The following LRRC8D variants were observed in gnomAD, a reference collection of about 807,000 sequenced individuals.
LRRC8D encodes leucine rich repeat containing 8 VRAC subunit D, also known as volume-regulated anion channel subunit LRRC8D.
A neutral mutation model predicts 55.8 loss-of-function variants in LRRC8D; 20 were observed. The observed-to-expected ratio is 0.36, with a 90% CI of 0.25 to 0.52. The LOEUF (loss-of-function observed/expected upper bound fraction) is 0.52, where lower values mean the gene tolerates loss of function less well. LRRC8D is among the 20% of genes least tolerant of loss of function. LRRC8D has a pLI of 0.93. For missense variants in LRRC8D, 651 were observed against 1,030.8 expected (o/e 0.63, Z 5.05); for synonymous variants, 352 against 377.0 (o/e 0.93, Z 0.77).
At chr1:89,864,818 C>T (rs1389828922) in intron 2 of LRRC8D, among the ~76,000 whole-genome samples, 1 of 152,142 alleles carries the variant, frequency 6.6e-6, no homozygotes, top group East Asian at 1.9e-4. Context: ...CACCATCTTC[C>T]AGACACAAAA....
intron 2 of LRRC8D, among the ~76,000 whole-genome samples, chr1:89,917,602 T>A (rs1663307790): frequency 6.6e-6 from 1 of 152,096 alleles, no homozygotes; most frequent in African/African-American, 2.4e-5. Flanking sequence ...CTATACTCTT[T>A]CTTCACACCT....
At chr1:89,910,749 C>T (rs906122504) in intron 2 of LRRC8D, among the ~76,000 whole-genome samples, 2 of 152,132 alleles carry the variant, frequency 1.3e-5, no homozygotes, top group African/African-American at 4.8e-5. Context: ...AGTAATACCA[C>T]TGCTCAGGAT....
At chr1:89,823,817 G>A (rs1660699686) in intron 1 of LRRC8D, among the ~76,000 whole-genome samples, 1 of 152,156 alleles carries the variant, frequency 6.6e-6, no homozygotes, top group Non-Finnish European at 1.5e-5. Context: ...AAGAATCCAG[G>A]GTGTGTGGAA....
At position 89,933,648 on chromosome 1, in the gene LRRC8D, G is replaced by A; in HGVS notation, c.580G>A (p.Glu194Lys). 6.2e-7 allele frequency: 1 copy of A among 1,614,098 alleles called. No individual in the cohort carries two copies. Among genetic ancestry groups the A allele is most frequent in the Non-Finnish European group, 8.5e-7 (1 of 1,180,024 alleles). The change falls in exon 3 of 3, where the codon GAA (glutamate) becomes AAA (lysine). Residue 194 changes from glutamate (E) to lysine (K), a missense_variant. Physicochemically the swap from Glu to Lys is moderately conservative, Grantham distance 56 (BLOSUM62 1). Around this residue, in one of 5 missense-constraint regions of LRRC8D, gnomAD observed 178 missense variants for 374.9 expected, o/e 0.47. Transcript: ENST00000337338. The surrounding 1 kb of genome is among the most constrained non-coding windows in gnomAD (Gnocchi z 7.0). ...FKYPKTCSKV[E>K]HFVSILGKCF... is the part of the protein sequence containing the mutation. ...ATATCCCAAAACATGCTCAAAAGTA[G>A]AACATTTTGTTTCAATATTAGGAAA...
rs1663401158 is a variant in LRRC8D at position 89,920,956 on chromosome 1, G to GT, written c.-2-12110dup. On this transcript the variant is annotated intron_variant, in intron 2 of 2. Coordinates refer to ENST00000337338, the MANE Select transcript of LRRC8D (RefSeq NM_001134479.2). ...TGAAAGATTTGAGAATTTGATCCTC[G>GT]TAAGTCTCTTGCATGTTCTCCATTT... Among the ~76,000 whole-genome samples the GT allele has an allele frequency of 2.0e-5, 3 of 152,114 alleles. No individual in the cohort carries two copies. In the South Asian group the frequency reaches 6.2e-4, roughly 32 times the overall value.
intron 2 of LRRC8D, among the ~76,000 whole-genome samples, chr1:89,912,585 C>G (rs1308810323): frequency 6.6e-6 from 1 of 152,080 alleles, no homozygotes; most frequent in East Asian, 1.9e-4. Flanking sequence ...TGTTTTATTC[C>G]AGTAGCTTGA....
At chr1:89,890,885 T>G (rs936055010) in intron 2 of LRRC8D, among the ~76,000 whole-genome samples, 6 of 152,154 alleles carry the variant, frequency 3.9e-5, no homozygotes. Flanking sequence ...TCTTTTTTTG[T>G]TTTTTATTTT....
chr1:89,917,920 T>C (rs1046418212), intron 2 of LRRC8D, among the ~76,000 whole-genome samples: 1 of 152,116 alleles, frequency 6.6e-6, no homozygotes, highest in Non-Finnish European at 1.5e-5. Context: ...TCAATTTATA[T>C]ACACAACTCG....
At chr1:89,903,519 A>C (rs1210606128) in intron 2 of LRRC8D, among the ~76,000 whole-genome samples, 6 of 152,204 alleles carry the variant, frequency 3.9e-5, no homozygotes, top group Non-Finnish European at 8.8e-5. Context: ...CACTCAGGTG[A>C]CACTGTTCTC....
At chr1:89,929,739 G>C (rs1663652786) in intron 2 of LRRC8D, 1 of 152,196 alleles carries the variant, frequency 6.6e-6, no homozygotes, top group South Asian at 2.1e-4. Flanking sequence ...ATGCATGTAT[G>C]TATGTATTCA....
intron 2 of LRRC8D, among the ~76,000 whole-genome samples, chr1:89,918,604 T>A (rs1166682611): frequency 6.6e-6 from 1 of 152,254 alleles, no homozygotes; most frequent in East Asian, 1.9e-4. Context: ...GAGATGATAC[T>A]GGCTTATCAC....
chr1:89,921,824 G>A lies in LRRC8D; in HGVS notation c.-2-11243G>A, dbSNP rs538035775. Among the ~76,000 whole-genome samples, 6 of 151,696 alleles carry A rather than the reference G, an allele frequency of 4.0e-5. No homozygotes were observed. The South Asian group carries it at 6.3e-4, about 16-fold the overall frequency. ...CTCCCAAAGTGCTGGGATTACAAGC[G>A]TGAGCCACTGCACCCGGCCAACTTT... On this transcript the variant is annotated intron_variant, in intron 2 of 2. Transcript: ENST00000337338.
chr1:89,843,724 T>TCGCCCAAG lies in LRRC8D; in HGVS notation c.-59_-52dup. ...TCGCCGTGGTTCCAGCCTCCGGAGC[T>TCGCCCAAG]CGCCCAAGCCGCGTCCCCAGAGAGC... On this transcript the variant is annotated 5_prime_UTR_variant, in exon 2 of 3. Coordinates refer to ENST00000337338, the MANE Select transcript of LRRC8D (RefSeq NM_001134479.2). The TCGCCCAAG allele has an allele frequency of 1.4e-6, 1 of 701,606 alleles. No individual in the cohort carries two copies. The highest frequency in any genetic ancestry group is 2.0e-5 in the Admixed American group (1 of 49,956). The allele number at this position is 701,606 out of a possible 1,614,324, so 43.5% of individuals were successfully genotyped here.
chr1:89,887,043 A>G (rs1662436228), intron 2 of LRRC8D, among the ~76,000 whole-genome samples: 1 of 152,208 alleles, frequency 6.6e-6, no homozygotes, highest in Non-Finnish European at 1.5e-5. Context: ...TATTTCTTAG[A>G]AGAAAAAAAT....
chr1:89,909,024 G>T (rs937535941), intron 2 of LRRC8D, among the ~76,000 whole-genome samples: 1 of 150,050 alleles, frequency 6.7e-6, no homozygotes, highest in African/African-American at 2.5e-5. Flanking sequence ...GTGTGTTTGC[G>T]TGTGTGTGTG....
intron 2 of LRRC8D, among the ~76,000 whole-genome samples, chr1:89,856,527 G>A (rs1337986153): frequency 6.6e-6 from 1 of 152,186 alleles, no homozygotes; most frequent in Non-Finnish European, 1.5e-5. Flanking sequence ...ATTAATTTGT[G>A]TCAAATAATG....
intron 2 of LRRC8D, among the ~76,000 whole-genome samples, chr1:89,919,194 G>A (rs1663350752): frequency 6.6e-6 from 1 of 152,176 alleles, no homozygotes. Flanking sequence ...CCAAGGATTA[G>A]AATTTGTATC....
At chr1:89,832,033 G>C (rs530242849) in intron 1 of LRRC8D, among the ~76,000 whole-genome samples, 8 of 152,128 alleles carry the variant, frequency 5.3e-5, no homozygotes, top group Non-Finnish European at 1.2e-4. Flanking sequence ...CTGCGTCTGC[G>C]CTGTCAGGGC....
At chr1:89,922,038 C>T (rs1663432955) in intron 2 of LRRC8D, among the ~76,000 whole-genome samples, 1 of 152,032 alleles carries the variant, frequency 6.6e-6, no homozygotes, top group South Asian at 2.1e-4. Context: ...TGTGCTCTTT[C>T]TAGTATCATT....
Sources: gnomAD v4.1 joint callset for allele counts (sites outside exome capture counted in the v4.1 genomes callset) on GRCh38, gnomAD v4.1.1 for gene constraint, gnomAD v4.1.1 regional missense constraint, Gnocchi (gnomAD v3.1) non-coding constraint, MANE v1.5 for transcripts, NCBI Gene and HGNC (gene_info 2026-07-23, HGNC 2026-07-21) for gene names.